Variants in SNRK observed in about 807,000 individuals in gnomAD.
SNRK encodes the protein SNF related kinase, also known as SNF-related serine/threonine-protein kinase.
In SNRK, 3 loss-of-function variants were observed where a neutral mutation model predicts 48.2. The ratio of observed to expected loss-of-function variants is 0.06; its 90% confidence interval spans 0.03 to 0.16. The LOEUF (loss-of-function observed/expected upper bound fraction) is 0.16, where lower values mean the gene tolerates loss of function less well. Ranked by LOEUF, SNRK falls within the 10% of genes least tolerant of loss-of-function variation. The pLI, the probability that SNRK is intolerant of heterozygous loss-of-function variation, is 1.00. For synonymous variants in SNRK, 376 were observed against 366.1 expected, an observed-to-expected ratio of 1.03 and a Z score of -0.31; for missense variants, 627 against 976.0, an observed-to-expected ratio of 0.64 and a Z score of 4.76.
intron 3 of SNRK, among the ~76,000 whole-genome samples, chr3:43,308,638 A>G: frequency 6.6e-6 from 1 of 152,228 alleles, no homozygotes; most frequent in East Asian, 1.9e-4. Flanking sequence ...ACTACTAAGA[A>G]AAAAACATTC....
In SNRK at chr3:43,349,519, T is replaced by C. The variant is rs1427627795; in HGVS notation, c.*962T>C. 6.6e-6 allele frequency: 1 copy of C among 152,198 alleles called. No homozygotes were observed. The highest frequency in any genetic ancestry group is 1.5e-5 in the Non-Finnish European group (1 of 68,022). 9.4% of individuals were successfully genotyped at this position (152,198 alleles called of 1,614,324 possible). A position where few individuals can be genotyped will look rare whatever the true frequency, so the allele number is the denominator to read the frequency against. On this transcript the variant is annotated 3_prime_UTR_variant, in exon 7 of 7. Coordinates refer to ENST00000296088, the MANE Select transcript of SNRK (RefSeq NM_017719.5). ...GGTTTTTAGGAGTTTGGTAATTAGA[T>C]TATCTCTTTTGTTATTTTCATTCAG...
intron 3 of SNRK, among the ~76,000 whole-genome samples, chr3:43,316,681 A>T (rs111994899): frequency 4.4e-4 from 67 of 152,088 alleles, no homozygotes; most frequent in Middle Eastern, 3.4e-3. Flanking sequence ...TTTAGGGATA[A>T]GTGAAAACCA....
chr3:43,306,717 C>G (rs1017922171), intron 3 of SNRK, among the ~76,000 whole-genome samples: 1 of 152,202 alleles, frequency 6.6e-6, no homozygotes, highest in African/African-American at 2.4e-5. Context: ...CCCTCTCCCA[C>G]AATCCCTGAT....
intron 3 of SNRK, among the ~76,000 whole-genome samples, chr3:43,314,542 G>A (rs2091001247): frequency 6.6e-6 from 1 of 152,116 alleles, no homozygotes. Context: ...CCTAGTCTGT[G>A]ATATAATAGC....
chr3:43,325,199 G>T (rs2372373), intron 3 of SNRK, among the ~76,000 whole-genome samples: 148,834 of 152,328 alleles, frequency 0.98, 72,808 homozygotes, highest in East Asian at 1. Flanking sequence ...GGAGTCTCGC[G>T]CTTTCACCCA....
intron 1 of SNRK, among the ~76,000 whole-genome samples, chr3:43,295,270 A>T (rs2090843956): frequency 6.6e-6 from 1 of 152,224 alleles, no homozygotes; most frequent in Non-Finnish European, 1.5e-5. Flanking sequence ...AGCTTGTTTT[A>T]CTTAGAGCAA....
At chr3:43,317,842 T>A (rs1235833750) in intron 3 of SNRK, among the ~76,000 whole-genome samples, 1 of 152,304 alleles carries the variant, frequency 6.6e-6, no homozygotes, top group South Asian at 2.1e-4. Context: ...TTGACTTGCA[T>A]CTCTGGGCTC....
intron 6 of SNRK, among the ~76,000 whole-genome samples, chr3:43,346,290 A>T (rs1231663422): frequency 1.3e-5 from 2 of 152,258 alleles, no homozygotes; most frequent in Non-Finnish European, 2.9e-5. Flanking sequence ...AAACTTGCAC[A>T]TAGCAAGTCT....
intron 6 of SNRK, among the ~76,000 whole-genome samples, chr3:43,344,262 C>T (rs911418667): frequency 6.6e-6 from 1 of 152,092 alleles, no homozygotes; most frequent in African/African-American, 2.4e-5. Context: ...GAGTAACTTT[C>T]CACTTAAAAT....
chr3:43,287,657 T>C (rs2125608835), intron 1 of SNRK, among the ~76,000 whole-genome samples: 1 of 152,364 alleles, frequency 6.6e-6, no homozygotes, highest in East Asian at 1.9e-4. Context: ...AGGTGAAGCA[T>C]GGCTTGCAAG....
At chr3:43,328,350 T>C (rs1286815407) in intron 3 of SNRK, among the ~76,000 whole-genome samples, 1 of 152,054 alleles carries the variant, frequency 6.6e-6, no homozygotes, top group African/African-American at 2.4e-5. Context: ...AAATATTCTC[T>C]AAAATGAATG....
At chr3:43,336,591 C>G (rs9836386) in intron 4 of SNRK, among the ~76,000 whole-genome samples, 1 of 152,044 alleles carries the variant, frequency 6.6e-6, no homozygotes, top group African/African-American at 2.4e-5. Context: ...CTCTGCCTCC[C>G]GAAGTGCTGG....
chr3:43,316,635 C>G (rs1341015965), intron 3 of SNRK, among the ~76,000 whole-genome samples: 1 of 149,226 alleles, frequency 6.7e-6, no homozygotes, highest in East Asian at 1.9e-4. Flanking sequence ...TTTTTTTTTT[C>G]TTCCCTGCCT....
intron 1 of SNRK, among the ~76,000 whole-genome samples, chr3:43,289,191 C>A (rs903136915): frequency 2.6e-5 from 4 of 152,100 alleles, no homozygotes; most frequent in African/African-American, 9.7e-5. Context: ...AACAACCTGA[C>A]ATGGAAATGC....
rs2091319625 is a variant in SNRK at position 43,351,026 on chromosome 3, G to A, written c.*2469G>A. ...AGGGTACAGAATTATCAACTGATTT[G>A]GTCAGTTGCTTCCAATGCTGGTTGA... is the stretch of plus-strand genomic sequence containing the variant. On this transcript the variant is annotated 3_prime_UTR_variant, in exon 7 of 7. Coordinates refer to ENST00000296088, the MANE Select transcript of SNRK (RefSeq NM_017719.5). 2 of 152,526 alleles carry A rather than the reference G, an allele frequency of 1.3e-5. No individual in the cohort carries two copies. The highest frequency in any genetic ancestry group is 4.8e-5 in the African/African-American group (2 of 41,414). The allele number at this position is 152,526 out of a possible 1,614,324, so 9.4% of individuals were successfully genotyped here.
At chr3:43,289,176 C>T (rs1444745429) in intron 1 of SNRK, among the ~76,000 whole-genome samples, 3 of 152,072 alleles carry the variant, frequency 2.0e-5, no homozygotes, top group African/African-American at 7.2e-5. Flanking sequence ...AGGATGGCGG[C>T]AGTGAACAAC....
At chr3:43,339,589 G>C (rs957196052) in intron 4 of SNRK, among the ~76,000 whole-genome samples, 4 of 151,552 alleles carry the variant, frequency 2.6e-5, no homozygotes, top group Admixed American at 2.6e-4. Flanking sequence ...AGGCCGAGGC[G>C]GGCGAATCAC....
chr3:43,294,123 G>A (rs1433781774), intron 1 of SNRK, among the ~76,000 whole-genome samples: 1 of 152,060 alleles, frequency 6.6e-6, no homozygotes, highest in Non-Finnish European at 1.5e-5. Context: ...TCTTTTGCAT[G>A]TATAAATATC....
intron 3 of SNRK, among the ~76,000 whole-genome samples, chr3:43,312,438 TA>T (rs1444728078): frequency 6.6e-6 from 1 of 152,182 alleles, no homozygotes; most frequent in Non-Finnish European, 1.5e-5. Context: ...TGTCCTACAT[TA>T]AAATATTACT....
Sources: gnomAD v4.1 joint callset for allele counts (sites outside exome capture counted in the v4.1 genomes callset) on GRCh38, gnomAD v4.1.1 for gene constraint, MANE v1.5 for transcripts, NCBI Gene and HGNC (gene_info 2026-07-23, HGNC 2026-07-21) for gene names.